MED16: variants seen among roughly 807,000 people sequenced by gnomAD.
The protein encoded by MED16 is mediator complex subunit 16, also known as mediator of RNA polymerase II transcription subunit 16.
A neutral mutation model predicts 84.4 loss-of-function variants in MED16; 81 were observed. The observed-to-expected ratio is 0.96, with a 90% CI of 0.80 to 1.15. The LOEUF is 1.15. MED16 is among the 50% of genes most tolerant of loss of function. The probability of loss-of-function intolerance (pLI) is 0.00; values close to 1 mark genes in which losing one functional copy is unlikely to be tolerated. For missense variants in MED16, 1,585 were observed against 1,245.9 expected, an observed-to-expected ratio of 1.27 and a Z score of -4.10; for synonymous variants, 897 against 552.2, an observed-to-expected ratio of 1.62 and a Z score of -8.76.
chr19:872,436 G>C (rs1250358981), intron 11 of MED16, among the ~76,000 whole-genome samples: 2 of 152,028 alleles, frequency 1.3e-5, no homozygotes, highest in Admixed American at 6.6e-5. Context: ...CTACAGCTGC[G>C]GGCCCGGGCC....
chr19:881,131 T>C (rs966085579), intron 7 of MED16, among the ~76,000 whole-genome samples: 1 of 151,994 alleles, frequency 6.6e-6, no homozygotes, highest in Non-Finnish European at 1.5e-5. Context: ...GGCCGACTTG[T>C]CCACATTTTA....
intron 6 of MED16, 55 bp from the exon 7 acceptor site, chr19:881,769 A>C (rs914491159): frequency 1.3e-6 from 2 of 1,576,002 alleles, no homozygotes; most frequent in Non-Finnish European, 8.6e-7. Flanking sequence ...ACAGGCTGAG[A>C]CAGCCGCAGG....
Position 871,102 on chromosome 19 carries a change from C to A in MED16, c.2250G>T (p.Leu750=). The change falls in exon 13 of 16, where the codon CTG becomes CTT. Residue 750 remains leucine (L), a synonymous_variant. Transcript: ENST00000325464. ...GCAGCGTGGGCGCCCGGCCAAACTG[C>A]AGACGAAGGGGCTGCTTGGGCTGCA... is the stretch of plus-strand genomic sequence containing the variant. ...SRLQPKQPLR[L]QFGRAPTLPG... 3.2e-6 allele frequency: 5 copies of A among 1,548,468 alleles called. No individual in the cohort carries two copies. Among genetic ancestry groups the A allele is most frequent in the Non-Finnish European group, 4.4e-6 (5 of 1,145,850 alleles).
intron 1 of MED16, 148 bp downstream of exon 1, chr19:892,938 G>GC (rs869260826): frequency 4.2e-5 from 5 of 118,484 alleles, no homozygotes; most frequent in Middle Eastern, 5.0e-3. Context: ...CGCGCCCCGC[G>GC]CCCCAGGCCG....
rs762694444 is a variant in MED16 at position 871,110 on chromosome 19, G to A, written c.2242C>T (p.Leu748Phe). The A allele has an allele frequency of 1.4e-5, 22 of 1,548,716 alleles. No individual in the cohort carries two copies. Among genetic ancestry groups the A allele is most frequent in the Non-Finnish European group, 1.7e-5 (19 of 1,145,992 alleles). Residue 748 changes from leucine to phenylalanine, a missense_variant, in exon 13 of 16, where the codon CTT becomes TTT. Transcript: ENST00000325464. ...LVSRLQPKQP[L>F]RLQFGRAPTL... ...GGCGCCCGGCCAAACTGCAGACGAA[G>A]GGGCTGCTTGGGCTGCAGGCGGCTA...
At chr19:891,836 C>T (rs1472255130) in intron 1 of MED16, among the ~76,000 whole-genome samples, 4 of 90,332 alleles carry the variant, frequency 4.4e-5, no homozygotes, top group Non-Finnish European at 8.4e-5. Flanking sequence ...CACCTGTGGC[C>T]GAGGCGGGGC....
At chr19:872,917 G>A (rs539283288) in intron 11 of MED16, 4 of 1,039,304 alleles carry the variant, frequency 3.8e-6, no homozygotes, top group Non-Finnish European at 1.2e-6. Context: ...TCTTACAGCA[G>A]AGGCTTCATG....
In MED16 at chr19:871,239, G is replaced by A. The variant is rs772753521; in HGVS notation, c.2113C>T (p.Pro705Ser). ...KLWICCRDEGPASEPDEALVD... is the reference protein window; with the variant it reads ...KLWICCRDEGSASEPDEALVD... ...AGCGCCTCGTCCGGCTCGCTCGCTG[G>A]GCCCTCATCGCGACCTGCGGAGAGA... Residue 705 changes from proline (P) to serine (S), a missense_variant, in exon 13 of 16, where the codon CCA (proline) becomes TCA (serine). Transcript: ENST00000325464. 2.6e-6 allele frequency: 4 copies of A among 1,539,326 alleles called. No homozygotes were observed. The highest frequency in any genetic ancestry group is 3.5e-6 in the Non-Finnish European group (4 of 1,138,648).
chr19:886,631 C>A (rs1218704197), intron 4 of MED16, among the ~76,000 whole-genome samples: 2 of 152,244 alleles, frequency 1.3e-5, no homozygotes, highest in African/African-American at 2.4e-5. Flanking sequence ...AGGCCCTGGG[C>A]CGCACTGTGC....
intron 13 of MED16, 142 bp from the exon 14 acceptor site, chr19:869,088 T>TGAGGTGG: frequency 2.8e-6 from 2 of 725,772 alleles, no homozygotes; most frequent in Non-Finnish European, 4.3e-6. Context: ...CTGTGAACAG[T>TGAGGTGG]GAGGTGGGAG....
Position 875,359 on chromosome 19 carries a change from G to A in MED16, c.1656C>T (p.Phe552=), listed in dbSNP as rs1420188381. The A allele has an allele frequency of 1.9e-6, 3 of 1,610,214 alleles. No homozygotes were observed. The highest frequency in any genetic ancestry group is 1.7e-5 in the Admixed American group (1 of 60,002). The change falls in exon 10 of 16, where the codon TTC becomes TTT. Residue 552 remains phenylalanine, a synonymous_variant. Transcript: ENST00000325464. The part of the protein sequence containing the change: ...TRVCDYHTKL[F]LIAISSTLKS... ...TCAGGGTGGAGCTGATGGCGATGAG[G>A]AAGAGCTTGGTGTGGTAGTCGCACA...
Position 893,135 on chromosome 19 carries a change from C to A in MED16, c.-68G>T, listed in dbSNP as rs1323043040. ...AGCGGGCGTCCGCGGTGCGATCTTC[C>A]CTAGCGCCTCGGGTCTGGCGCCGCC... On this transcript the variant is annotated 5_prime_UTR_variant, in exon 1 of 16. Coordinates refer to ENST00000325464, the MANE Select transcript of MED16 (RefSeq NM_005481.3). The A allele has an allele frequency of 6.6e-6, 1 of 152,284 alleles. No individual in the cohort carries two copies. Among genetic ancestry groups the A allele is most frequent in the African/African-American group, 2.4e-5 (1 of 41,478 alleles). 9.4% of individuals were successfully genotyped at this position (152,284 alleles called of 1,614,324 possible). A position where few individuals can be genotyped will look rare whatever the true frequency, so the allele number is the denominator to read the frequency against.
chr19:868,508 A>C lies in MED16; in HGVS notation c.2400-9T>G. On this transcript the variant is annotated splice_polypyrimidine_tract_variant and intron_variant, in intron 14 of 15. Coordinates refer to ENST00000325464, the MANE Select transcript of MED16 (RefSeq NM_005481.3). ...TGGTGACACAGCCGCACCTGCGGGG[A>C]GGCAGGCACTGAGCGGGTTCCCACT... The C allele has an allele frequency of 6.2e-7, 1 of 1,608,904 alleles. No homozygotes were observed. Among genetic ancestry groups the C allele is most frequent in the Non-Finnish European group, 8.5e-7 (1 of 1,179,742 alleles).
chr19:891,962 A>T (rs1388514433), intron 1 of MED16, among the ~76,000 whole-genome samples: 52 of 112,466 alleles, frequency 4.6e-4, no homozygotes, highest in Non-Finnish European at 7.2e-4. Context: ...CCGGGGGCTG[A>T]GTGTGACGGG....
At chr19:874,121 A>AT (rs1007326567) in intron 10 of MED16, among the ~76,000 whole-genome samples, 10 of 150,096 alleles carry the variant, frequency 6.7e-5, no homozygotes, top group South Asian at 2.1e-4. Context: ...ATAACCCTAA[A>AT]TTTTTTTTTT....
chr19:886,580 G>A (rs1340298871), intron 4 of MED16, among the ~76,000 whole-genome samples: 1 of 152,234 alleles, frequency 6.6e-6, no homozygotes, highest in Non-Finnish European at 1.5e-5. Context: ...CAGGCAGCTG[G>A]TGCCAATGAG....
intron 5 of MED16, 38 bp from the exon 6 acceptor site, chr19:885,046 G>A (rs776804974): frequency 6.7e-7 from 1 of 1,495,490 alleles, no homozygotes; most frequent in South Asian, 1.2e-5. Context: ...ACCCGGCACT[G>A]CTGTGGTGGC....
intron 9 of MED16, among the ~76,000 whole-genome samples, chr19:876,577 G>A (rs1362524504): frequency 6.6e-6 from 1 of 152,092 alleles, no homozygotes; most frequent in African/African-American, 2.4e-5. Context: ...GAAGGAAACT[G>A]CTTCTCTGAG....
At chr19:873,413 G>A (rs1349126999) in intron 11 of MED16, 36 bp downstream of exon 11, 8 of 1,589,102 alleles carry the variant, frequency 5.0e-6, no homozygotes, top group Admixed American at 1.7e-5. Flanking sequence ...GGGGGCCCAG[G>A]TGGGGGGCGG....
Sources: gnomAD v4.1 joint callset for allele counts (sites outside exome capture counted in the v4.1 genomes callset) on GRCh38, gnomAD v4.1.1 for gene constraint, MANE v1.5 for transcripts, NCBI Gene and HGNC (gene_info 2026-07-23, HGNC 2026-07-21) for gene names.